NFS1: variants seen among roughly 807,000 people sequenced by gnomAD.
NFS1 encodes the protein NFS1 cysteine desulfurase.
A neutral mutation model predicts 57.3 loss-of-function variants in NFS1; 26 were observed. The observed-to-expected ratio is 0.45, with a 90% CI of 0.33 to 0.63. The LOEUF is 0.63. Among genes scored for constraint, NFS1 ranks in the 20% least tolerant of loss-of-function variants. The probability of loss-of-function intolerance (pLI) is 0.02; values close to 1 mark genes in which losing one functional copy is unlikely to be tolerated. For missense variants in NFS1, 505 were observed against 605.8 expected (o/e 0.83, Z 1.75); for synonymous variants, 209 against 216.3 (o/e 0.97, Z 0.30).
intron 5 of NFS1, among the ~76,000 whole-genome samples, chr20:35,687,895 C>T (rs1416936124): frequency 1.3e-5 from 2 of 152,122 alleles, no homozygotes; most frequent in East Asian, 1.9e-4. Context: ...TCCAGGAGTT[C>T]ACCACCAGCC....
rs745523333 is a variant in NFS1 at position 35,680,730 on chromosome 20, C to A, written c.790+7G>T. The A allele has an allele frequency of 7.9e-6, 12 of 1,524,704 alleles. No individual in the cohort carries two copies. In the East Asian group the frequency reaches 2.8e-4, roughly 35 times the overall value. 94.4% of individuals were successfully genotyped at this position (1,524,704 alleles called of 1,614,324 possible). ...CAGAGAGAAGGAACTCTAGAAGGGG[C>A]TGGTACCTTTGGGACCGTAGATTTT... On this transcript the variant is annotated splice_region_variant and intron_variant, in intron 7 of 12. Transcript: ENST00000374092.
intron 4 of NFS1, among the ~76,000 whole-genome samples, chr20:35,696,056 T>G (rs1428152390): frequency 6.7e-6 from 1 of 148,748 alleles, no homozygotes; most frequent in Non-Finnish European, 1.5e-5. Context: ...AAAAGAAGAA[T>G]GGAGAAAAGG....
rs992488360 is a variant in NFS1, at chr20:35,669,699, G to T, written c.1311-14C>A. 6.2e-7 allele frequency: 1 copy of T among 1,613,692 alleles called. No individual in the cohort carries two copies. Among genetic ancestry groups the T allele is most frequent in the East Asian group, 2.2e-5 (1 of 44,874 alleles). ...TCCCAGAGAGGGCTGCCAAAGAGAA[G>T]AGGCATTAAATGAGTGAGGGCTTAG... On this transcript the variant is annotated splice_polypyrimidine_tract_variant and intron_variant, in intron 12 of 12. Coordinates refer to ENST00000374092, the MANE Select transcript of NFS1 (RefSeq NM_021100.5).
intron 5 of NFS1, among the ~76,000 whole-genome samples, chr20:35,686,196 C>T (rs954529364): frequency 2.6e-5 from 4 of 151,352 alleles, no homozygotes; most frequent in Admixed American, 6.6e-5. Flanking sequence ...CTCCAACTCC[C>T]GACCTCAGGT....
At chr20:35,671,028 G>A (rs544213330) in intron 12 of NFS1, among the ~76,000 whole-genome samples, 229 of 152,328 alleles carry the variant, frequency 1.5e-3, no homozygotes, top group African/African-American at 5.4e-3. Flanking sequence ...GGTTCCAGGA[G>A]GAAGATGAGC....
chr20:35,680,064 G>A (rs933264352), intron 7 of NFS1, among the ~76,000 whole-genome samples: 3 of 152,082 alleles, frequency 2.0e-5, no homozygotes, highest in Non-Finnish European at 4.4e-5. Context: ...CAGCACTTTG[G>A]GAGGCCGAGA....
chr20:35,672,999 A>G lies in NFS1; in HGVS notation c.1221-155T>C, dbSNP rs34621588. On this transcript the variant is annotated intron_variant, in intron 11 of 12. Transcript: ENST00000374092. ...GGCAGAGTTTCTCAGAACATGGTAT[A>G]TGGATCGGCCGGGCATGGTGGCTCA... is the stretch of plus-strand genomic sequence containing the variant. 0.013 allele frequency among the ~76,000 whole-genome samples: 1,968 copies of G among 152,336 alleles called. 23 individuals carry two copies. The highest frequency in any genetic ancestry group is 0.027 in the South Asian group (130 of 4,826).
chr20:35,669,503 T>C lies in NFS1; in HGVS notation c.*119A>G. ...TTCTGTCATAGAGGTGGACTGATGC[T>C]GAAGTCAACTGGTCTATACCAATCT... On this transcript the variant is annotated 3_prime_UTR_variant, in exon 13 of 13. Coordinates refer to ENST00000374092, the MANE Select transcript of NFS1 (RefSeq NM_021100.5). 2 of 822,506 alleles carry C rather than the reference T, an allele frequency of 2.4e-6. No homozygotes were observed. Among genetic ancestry groups the C allele is most frequent in the Non-Finnish European group, 4.2e-6 (2 of 481,298 alleles). The allele number at this position is 822,506 out of a possible 1,614,324, so 51.0% of individuals were successfully genotyped here.
chr20:35,682,802 G>A (rs2034871519), intron 5 of NFS1: 1 of 152,086 alleles, frequency 6.6e-6, no homozygotes, highest in African/African-American at 2.4e-5. Flanking sequence ...AGAAAGGCCA[G>A]GTATGGTGGC....
intron 10 of NFS1, 92 bp downstream of exon 10, chr20:35,674,258 G>T: frequency 9.9e-7 from 1 of 1,013,508 alleles, no homozygotes; most frequent in Non-Finnish European, 1.6e-6. Flanking sequence ...AAGAGGTCTT[G>T]TGCCTATCAT....
intron 7 of NFS1, among the ~76,000 whole-genome samples, chr20:35,676,457 G>A (rs984015039): frequency 3.3e-5 from 5 of 149,878 alleles, no homozygotes; most frequent in East Asian, 2.0e-4. Context: ...GTGGTGGCAC[G>A]CACCTGTAAT....
intron 5 of NFS1, 43 bp downstream of exon 5, chr20:35,690,370 A>AGG: frequency 6.3e-7 from 1 of 1,594,662 alleles, no homozygotes; most frequent in Non-Finnish European, 8.5e-7. Flanking sequence ...AGCTGAAGCC[A>AGG]GGCTCCTCCA....
At chr20:35,674,459 G>C (rs2034705741) in intron 9 of NFS1, 28 bp from the exon 10 acceptor site, 1 of 1,605,336 alleles carries the variant, frequency 6.2e-7, no homozygotes, top group Non-Finnish European at 8.5e-7. Flanking sequence ...TGTGAGAGAG[G>C]TCTCAGAGTC....
intron 12 of NFS1, among the ~76,000 whole-genome samples, chr20:35,671,523 A>G (rs2034653853): frequency 6.6e-6 from 1 of 152,162 alleles, no homozygotes; most frequent in African/African-American, 2.4e-5. Flanking sequence ...GTGAACTACA[A>G]CTGTGCCACT....
intron 6 of NFS1, among the ~76,000 whole-genome samples, chr20:35,681,169 A>G (rs1158624089): frequency 6.6e-6 from 1 of 152,076 alleles, no homozygotes; most frequent in Non-Finnish European, 1.5e-5. Flanking sequence ...CATTAACACC[A>G]GCCTTTCAAA....
At position 35,699,322 on chromosome 20, in the gene NFS1, C is replaced by A; in HGVS notation, c.-34G>T. ...TGGCAGAGCCCACCTTCCGAAGCCG[C>A]TGCAGTCCTGGGCCCCAGGCTCCCG... On this transcript the variant is annotated 5_prime_UTR_variant, in exon 1 of 13. Transcript: ENST00000374092. The surrounding 1 kb of genome is among the most constrained non-coding windows in gnomAD (Gnocchi z 4.4). The A allele has an allele frequency of 7.2e-7, 1 of 1,396,552 alleles. No individual in the cohort carries two copies. The highest frequency in any genetic ancestry group is 1.5e-5 in the African/African-American group (1 of 66,110). The allele number at this position is 1,396,552 out of a possible 1,614,324, so 86.5% of individuals were successfully genotyped here.
Position 35,684,990 on chromosome 20 carries a change from G to C in NFS1, c.562-3009C>G, listed in dbSNP as rs1365648817. ...CAACCTCCGCCTCCCAGGTTCAAGT[G>C]GTTCTCCTACCTCAGCCTCCTGAGT... On this transcript the variant is annotated intron_variant, in intron 5 of 12. Transcript: ENST00000374092. Among the ~76,000 whole-genome samples, 3 of 151,406 alleles carry C rather than the reference G, an allele frequency of 2.0e-5. No homozygotes were observed. In the East Asian group the frequency reaches 5.9e-4, roughly 30 times the overall value.
chr20:35,685,891 G>A (rs1010378056), intron 5 of NFS1, among the ~76,000 whole-genome samples: 17 of 149,306 alleles, frequency 1.1e-4, no homozygotes, highest in African/African-American at 4.2e-4. Context: ...AGAAACACAG[G>A]GGTAAAACTC....
chr20:35,683,338 C>T (rs993823803), intron 5 of NFS1, among the ~76,000 whole-genome samples: 10 of 150,560 alleles, frequency 6.6e-5, no homozygotes, highest in Non-Finnish European at 1.0e-4. Flanking sequence ...AAAAATTAGC[C>T]GGGCGCAGTG....
Sources: allele counts gnomAD v4.1 joint callset (sites outside exome capture counted in the v4.1 genomes callset), GRCh38; gene constraint gnomAD v4.1.1; non-coding constraint Gnocchi (gnomAD v3.1); transcripts MANE v1.5; gene names NCBI Gene and HGNC (gene_info 2026-07-23, HGNC 2026-07-21).